ITPK1: variants seen among roughly 807,000 people sequenced by gnomAD.
ITPK1 encodes the protein inositol-tetrakisphosphate 1-kinase.
Under a neutral mutation model 45.3 loss-of-function variants are expected in ITPK1, and 21 were observed. The ratio of observed to expected loss-of-function variants is 0.46; its 90% CI spans 0.33 to 0.67. The LOEUF is 0.67. Ranked by LOEUF, ITPK1 falls within the 30% of genes least tolerant of loss-of-function variation. The pLI is 0.02. For missense variants in ITPK1, 474 were observed against 573.5 expected (o/e 0.83, Z 1.77); for synonymous variants, 258 against 253.6 (o/e 1.02, Z -0.16).
chr14:93,102,865 C>T (rs780362379), intron 2 of ITPK1, among the ~76,000 whole-genome samples: 10 of 152,044 alleles, frequency 6.6e-5, no homozygotes, highest in Non-Finnish European at 1.3e-4. Flanking sequence ...CTTTGGGAGG[C>T]CGAGGTGGGC....
rs150670157 is a variant in ITPK1 at position 93,000,631 on chromosome 14, T to C, written c.247-6634A>G. ...GAAACAGGCTCTGTGACTGAACTGT[T>C]GTGCATCTCCAGAAAGGCTAGGGAG... On this transcript the variant is annotated intron_variant, in intron 4 of 10. Coordinates refer to ENST00000267615, the MANE Select transcript of ITPK1 (RefSeq NM_014216.6). Among the ~76,000 whole-genome samples the C allele has an allele frequency of 2.0e-5, 3 of 152,248 alleles. No individual in the cohort carries two copies. In the East Asian group the frequency reaches 5.8e-4, roughly 29 times the overall value.
At position 92,943,481 on chromosome 14, in the gene ITPK1, G is replaced by C. The variant is rs542266379; in HGVS notation, c.902-1577C>G. On this transcript the variant is annotated intron_variant, in intron 10 of 10. Transcript: ENST00000267615. ...GGACCCGGGGTGTCCGTCGGCCCTG[G>C]GCTAGGCCTGGAGGGCAGGGTAGGT... is the stretch of plus-strand genomic sequence containing the variant. Among the ~76,000 whole-genome samples the C allele has an allele frequency of 1.8e-4, 28 of 152,322 alleles. No individual in the cohort carries two copies. The South Asian group carries it at 5.8e-3, about 32-fold the overall frequency.
In ITPK1 at chr14:93,063,217, G is replaced by T. The variant is rs534537967; in HGVS notation, c.120+13378C>A. On this transcript the variant is annotated intron_variant, in intron 3 of 10. Coordinates refer to ENST00000267615, the MANE Select transcript of ITPK1 (RefSeq NM_014216.6). This position sits in a 1 kb window ranked among gnomAD's most constrained non-coding sequence, Gnocchi z 4.3. ...CTTATTTCTACTTGGCAGGGCCTGC[G>T]GCAAAAATACTGCCTGGGCAAGGAA... 2.0e-5 allele frequency among the ~76,000 whole-genome samples: 3 copies of T among 152,154 alleles called. No individual in the cohort carries two copies. The highest frequency in any genetic ancestry group is 4.4e-5 in the Non-Finnish European group (3 of 68,028).
At chr14:93,050,553 T>C (rs1566756465) in intron 3 of ITPK1, among the ~76,000 whole-genome samples, 1 of 151,922 alleles carries the variant, frequency 6.6e-6, no homozygotes, top group Non-Finnish European at 1.5e-5. Flanking sequence ...GCAGCTGGCT[T>C]TTGAAGGCAT....
In ITPK1 at chr14:92,941,296, C is replaced by T; in HGVS notation, c.*265G>A. On this transcript the variant is annotated 3_prime_UTR_variant, in exon 11 of 11. Coordinates refer to ENST00000267615, the MANE Select transcript of ITPK1 (RefSeq NM_014216.6). ...CCATCCAGACCTAGTGTTGCAAACA[C>T]AAGCGTGTGTAAACTCAGTTAGGAG... The T allele has an allele frequency of 7.2e-7, 1 of 1,396,888 alleles. No homozygotes were observed. The highest frequency in any genetic ancestry group is 9.2e-7 in the Non-Finnish European group (1 of 1,082,134). The allele number at this position is 1,396,888 out of a possible 1,614,324, so 86.5% of individuals were successfully genotyped here. A position where few individuals can be genotyped will look rare whatever the true frequency, so the allele number is the denominator to read the frequency against.
chr14:92,976,971 A>G (rs140566653), intron 5 of ITPK1, among the ~76,000 whole-genome samples: 1 of 152,358 alleles, frequency 6.6e-6, no homozygotes, highest in East Asian at 1.9e-4. Context: ...TGTGCTTCCC[A>G]AACACTGTAG....
At position 93,096,549 on chromosome 14, in the gene ITPK1, A is replaced by G. The variant is rs764449601; in HGVS notation, c.95+18520T>C. ...TGCAGAGGATGCAGGAGTTGTTCTAATGAAGAAACACACACGAAGAACAAC... is the reference window on the plus strand; with the variant it reads ...TGCAGAGGATGCAGGAGTTGTTCTAGTGAAGAAACACACACGAAGAACAAC... On this transcript the variant is annotated intron_variant, in intron 2 of 10. Coordinates refer to ENST00000267615, the MANE Select transcript of ITPK1 (RefSeq NM_014216.6). 3.9e-5 allele frequency among the ~76,000 whole-genome samples: 6 copies of G among 152,200 alleles called. No individual in the cohort carries two copies. In the East Asian group the frequency reaches 7.7e-4, roughly 20 times the overall value.
At chr14:93,103,613 T>C (rs1892408938) in intron 2 of ITPK1, among the ~76,000 whole-genome samples, 2 of 152,096 alleles carry the variant, frequency 1.3e-5, no homozygotes, top group Non-Finnish European at 1.5e-5. Context: ...GTGCCCAGCA[T>C]ACAGCAGGCA....
intron 2 of ITPK1, among the ~76,000 whole-genome samples, chr14:93,100,444 G>T (rs755626486): frequency 6.6e-6 from 1 of 152,040 alleles, no homozygotes; most frequent in Non-Finnish European, 1.5e-5. Flanking sequence ...AAGGATTGAG[G>T]GTGAGGACTC....
rs572987814 is a variant in ITPK1 at position 93,001,619 on chromosome 14, C to T, written c.247-7622G>A. Among the ~76,000 whole-genome samples the T allele has an allele frequency of 3.3e-5, 5 of 152,356 alleles. No homozygotes were observed. The East Asian group carries it at 9.6e-4, about 29-fold the overall frequency. On this transcript the variant is annotated intron_variant, in intron 4 of 10. Coordinates refer to ENST00000267615, the MANE Select transcript of ITPK1 (RefSeq NM_014216.6). ...CAGCCGACTCTAGGATCCACTGCAT[C>T]AGGGCCTGTGTGTTCAGTTAACACT... is the stretch of plus-strand genomic sequence containing the variant.
chr14:93,072,475 A>G (rs1409213750), intron 3 of ITPK1, among the ~76,000 whole-genome samples: 1 of 152,160 alleles, frequency 6.6e-6, no homozygotes, highest in African/African-American at 2.4e-5. Context: ...TTTAATTTTT[A>G]CAGATGTGAG....
intron 5 of ITPK1, among the ~76,000 whole-genome samples, chr14:92,992,436 A>C (rs1057304262): frequency 6.6e-6 from 1 of 152,228 alleles, no homozygotes; most frequent in Non-Finnish European, 1.5e-5. Flanking sequence ...GCAGAGGCCA[A>C]TCACTCCAGG....
At chr14:93,065,053 A>G (rs898050545) in intron 3 of ITPK1, among the ~76,000 whole-genome samples, 1 of 152,108 alleles carries the variant, frequency 6.6e-6, no homozygotes, top group African/African-American at 2.4e-5. Context: ...CATCATGGCT[A>G]GACCTGGGGA....
rs978963567 is a variant in ITPK1 at position 92,941,448 on chromosome 14, A to C, written c.*113T>G. 3.2e-5 allele frequency: 45 copies of C among 1,422,998 alleles called. No individual in the cohort carries two copies. Among genetic ancestry groups the C allele is most frequent in the Admixed American group, 2.8e-4 (9 of 32,688 alleles). 88.1% of individuals were successfully genotyped at this position (1,422,998 alleles called of 1,614,324 possible). A position where few individuals can be genotyped will look rare whatever the true frequency, so the allele number is the denominator to read the frequency against. Reference sequence around the variant, plus strand: ...AGAGAATCAGGTTAAAAATTAAAAAACAGAAGAATCAGATCACTGGGGATT... The same window carrying C: ...AGAGAATCAGGTTAAAAATTAAAAACCAGAAGAATCAGATCACTGGGGATT... On this transcript the variant is annotated 3_prime_UTR_variant, in exon 11 of 11. Transcript: ENST00000267615.
At chr14:93,086,031 A>G (rs1009164179) in intron 2 of ITPK1, among the ~76,000 whole-genome samples, 5 of 151,736 alleles carry the variant, frequency 3.3e-5, no homozygotes, top group Admixed American at 3.3e-4. Context: ...CTAATGATTC[A>G]GTTGGTTCTC....
At chr14:93,094,678 G>A (rs141663587) in intron 2 of ITPK1, among the ~76,000 whole-genome samples, 273 of 152,332 alleles carry the variant, frequency 1.8e-3, no homozygotes, top group Non-Finnish European at 2.9e-3. Context: ...CCGGCTCCAC[G>A]TTCTTCACCA....
rs562537187 is a variant in ITPK1 at position 93,033,674 on chromosome 14, G to C, written c.121-16873C>G. 2.4e-4 allele frequency among the ~76,000 whole-genome samples: 37 copies of C among 152,310 alleles called. 1 individual carries two copies. The highest frequency in any genetic ancestry group is 2.4e-3 in the Admixed American group (37 of 15,302). ...AGGAGGTAAGAGGTACGTGTCTAAGGAAAGGCAGAGAGGAGAAAGAGGCGC... is the reference window on the plus strand; with the variant it reads ...AGGAGGTAAGAGGTACGTGTCTAAGCAAAGGCAGAGAGGAGAAAGAGGCGC... On this transcript the variant is annotated intron_variant, in intron 3 of 10. Coordinates refer to ENST00000267615, the MANE Select transcript of ITPK1 (RefSeq NM_014216.6).
At chr14:93,089,756 C>A (rs1891794202) in intron 2 of ITPK1, among the ~76,000 whole-genome samples, 2 of 152,156 alleles carry the variant, frequency 1.3e-5, no homozygotes, top group African/African-American at 2.4e-5. Flanking sequence ...CGGGCACAGC[C>A]CCCATCTTCT....
chr14:92,948,489 A>T (rs1177235876), intron 9 of ITPK1, among the ~76,000 whole-genome samples: 2 of 151,804 alleles, frequency 1.3e-5, no homozygotes, highest in African/African-American at 4.8e-5. Context: ...GGCGTGTGCC[A>T]CCATGCCTGG....
Sources: gnomAD v4.1 joint callset for allele counts (sites outside exome capture counted in the v4.1 genomes callset) on GRCh38, gnomAD v4.1.1 for gene constraint, Gnocchi (gnomAD v3.1) non-coding constraint, MANE v1.5 for transcripts, NCBI Gene and HGNC (gene_info 2026-07-23, HGNC 2026-07-21) for gene names.